Variants in SPTLC3 observed in about 807,000 individuals in gnomAD.
SPTLC3 encodes the protein serine palmitoyltransferase long chain base subunit 3.
Under a neutral mutation model 59.3 loss-of-function variants are expected in SPTLC3, and 36 were observed. The ratio of observed to expected loss-of-function variants is 0.61; its 90% CI spans 0.47 to 0.80. The LOEUF is 0.80. SPTLC3 is among the 30% of genes least tolerant of loss of function. The pLI, the probability that SPTLC3 is intolerant of heterozygous loss-of-function variation, is 0.00. For synonymous variants in SPTLC3, 257 were observed against 240.8 expected (o/e 1.07, Z -0.62); for missense variants, 625 against 685.1 (o/e 0.91, Z 0.98).
chr20:13,044,995 CCACACACACACACA>C lies in SPTLC3; in HGVS notation c.118-3922_118-3909del, dbSNP rs5840546. ...TACATTATGGTCATTTGTGTCCCCACCACACACACACACACACACACACACACACACACACACAC... is the reference window on the plus strand; with the variant it reads ...TACATTATGGTCATTTGTGTCCCCACCACACACACACACACACACACACAC... On this transcript the variant is annotated intron_variant, in intron 1 of 11. Transcript: ENST00000399002. Among the ~76,000 whole-genome samples the C allele has an allele frequency of 2.3e-3, 321 of 141,434 alleles. 1 individual carries two copies. The highest frequency in any genetic ancestry group is 6.6e-3 in the African/African-American group (252 of 38,458). The allele number at this position is 141,434 out of a possible 152,430, so 92.8% of individuals were successfully genotyped here.
At chr20:13,122,331 G>A (rs1390242911) in intron 8 of SPTLC3, among the ~76,000 whole-genome samples, 3 of 152,228 alleles carry the variant, frequency 2.0e-5, no homozygotes, top group African/African-American at 7.2e-5. Context: ...ATATAGATGA[G>A]TAGATCAGGA....
intron 2 of SPTLC3, among the ~76,000 whole-genome samples, chr20:13,065,786 CT>C (rs1407989333): frequency 6.6e-6 from 1 of 150,822 alleles, no homozygotes; most frequent in Non-Finnish European, 1.5e-5. Flanking sequence ...AAACTTCAAG[CT>C]TTTTAAAAAT....
chr20:13,049,439 A>C (rs1987382682), intron 2 of SPTLC3: 3 of 242,170 alleles, frequency 1.2e-5, no homozygotes, highest in Admixed American at 5.3e-5. Flanking sequence ...AGATAAAAAC[A>C]TCAAAATATA....
At chr20:13,049,555 CT>C (rs1255069947) in intron 2 of SPTLC3, 4 of 157,436 alleles carry the variant, frequency 2.5e-5, no homozygotes, top group Non-Finnish European at 5.6e-5. Flanking sequence ...TGAACTGGGA[CT>C]TTTTTATTTC....
At chr20:13,092,891 A>G (rs1366849326) in intron 5 of SPTLC3, among the ~76,000 whole-genome samples, 3 of 152,180 alleles carry the variant, frequency 2.0e-5, no homozygotes, top group Non-Finnish European at 4.4e-5. Flanking sequence ...ATACTTTTAC[A>G]AAGGGTAATT....
At chr20:13,138,355 C>A (rs1202082993) in intron 9 of SPTLC3, among the ~76,000 whole-genome samples, 1 of 152,280 alleles carries the variant, frequency 6.6e-6, no homozygotes, top group South Asian at 2.1e-4. Context: ...AATACACTAC[C>A]CCCATTCATT....
chr20:13,057,807 G>A (rs1987789373), intron 2 of SPTLC3, among the ~76,000 whole-genome samples: 1 of 152,156 alleles, frequency 6.6e-6, no homozygotes, highest in South Asian at 2.1e-4. Flanking sequence ...TGAACCACAA[G>A]TTCTCAAAAG....
At chr20:13,058,244 T>A (rs1339547107) in intron 2 of SPTLC3, among the ~76,000 whole-genome samples, 1 of 152,178 alleles carries the variant, frequency 6.6e-6, no homozygotes, top group East Asian at 1.9e-4. Flanking sequence ...CCTGATACAT[T>A]AACAGTATTA....
intron 10 of SPTLC3, among the ~76,000 whole-genome samples, chr20:13,158,182 G>A (rs1376520139): frequency 6.6e-6 from 1 of 152,182 alleles, no homozygotes; most frequent in Non-Finnish European, 1.5e-5. Flanking sequence ...ACAATGCAAT[G>A]CTAATGTTTA....
intron 2 of SPTLC3, among the ~76,000 whole-genome samples, chr20:13,052,712 G>A (rs530183636): frequency 7.9e-5 from 12 of 152,164 alleles, no homozygotes; most frequent in South Asian, 2.1e-4. Context: ...AGCAGGAGGG[G>A]CATCCACCAT....
Position 13,072,241 on chromosome 20 carries a change from C to T in SPTLC3, c.304-15C>T. On this transcript the variant is annotated splice_polypyrimidine_tract_variant and intron_variant, in intron 2 of 11. Coordinates refer to ENST00000399002, the MANE Select transcript of SPTLC3 (RefSeq NM_018327.4). The stretch of plus-strand genomic sequence containing the variant: ...GCAAAGAACCAGAGATAACCTTCTA[C>T]CTCTGTTCTAACAGGATTTTGTGCC... The T allele has an allele frequency of 6.2e-7, 1 of 1,605,996 alleles. No homozygotes were observed. The highest frequency in any genetic ancestry group is 8.5e-7 in the Non-Finnish European group (1 of 1,177,206).
intron 8 of SPTLC3, among the ~76,000 whole-genome samples, chr20:13,120,288 T>A (rs1051898148): frequency 5.8e-4 from 89 of 152,272 alleles, no homozygotes; most frequent in African/African-American, 2.0e-3. Flanking sequence ...CCCGTATATC[T>A]CAAATTCGGG....
intron 9 of SPTLC3, among the ~76,000 whole-genome samples, chr20:13,134,869 T>C (rs1407448212): frequency 1.3e-5 from 2 of 152,216 alleles, no homozygotes; most frequent in Non-Finnish European, 2.9e-5. Context: ...AATCTGTGTT[T>C]AAACCAAAAC....
At chr20:13,066,503 A>G (rs913316570) in intron 2 of SPTLC3, among the ~76,000 whole-genome samples, 1 of 152,182 alleles carries the variant, frequency 6.6e-6, no homozygotes, top group African/African-American at 2.4e-5. Flanking sequence ...GTGCATTCTC[A>G]ATTATTACAG....
intron 11 of SPTLC3, 139 bp from the exon 12 acceptor site, chr20:13,164,615 T>C: frequency 1.5e-6 from 1 of 662,574 alleles, no homozygotes; most frequent in South Asian, 1.9e-5. Flanking sequence ...GGTACGGATC[T>C]TGCTTCTTTT....
At chr20:13,104,709 C>T (rs1989779503) in intron 6 of SPTLC3, among the ~76,000 whole-genome samples, 1 of 152,048 alleles carries the variant, frequency 6.6e-6, no homozygotes, top group Non-Finnish European at 1.5e-5. Context: ...ATTTTAAGTC[C>T]GTGGTGTGTC....
At chr20:13,014,074 A>G (rs575545922) in intron 1 of SPTLC3, among the ~76,000 whole-genome samples, 1 of 152,344 alleles carries the variant, frequency 6.6e-6, no homozygotes, top group African/African-American at 2.4e-5. Flanking sequence ...CTAAGAGAGT[A>G]AAAATAGAAA....
chr20:13,072,209 C>A, intron 2 of SPTLC3, 47 bp from the exon 3 acceptor site: 1 of 1,558,806 alleles, frequency 6.4e-7, no homozygotes, highest in Non-Finnish European at 8.7e-7. Flanking sequence ...TAAGTGAAAT[C>A]CAGAAAGCAA....
At chr20:13,126,557 T>C (rs1261262055) in intron 8 of SPTLC3, 34 bp from the exon 9 acceptor site, 1 of 1,610,884 alleles carries the variant, frequency 6.2e-7, no homozygotes, top group Non-Finnish European at 8.5e-7. Context: ...GAGATTTATT[T>C]GCCTTCTTTT....
Sources: gnomAD v4.1 joint callset for allele counts (sites outside exome capture counted in the v4.1 genomes callset) on GRCh38, gnomAD v4.1.1 for gene constraint, MANE v1.5 for transcripts, NCBI Gene and HGNC (gene_info 2026-07-23, HGNC 2026-07-21) for gene names.